Variants in PSMA1 observed in about 807,000 individuals in gnomAD.
PSMA1 encodes the protein proteasome 20S subunit alpha 1, also known as proteasome subunit alpha type-1.
In PSMA1, 3 loss-of-function variants were observed where a neutral mutation model predicts 38.4. That is an observed-to-expected ratio of 0.08 (90% CI 0.04 to 0.20). The LOEUF (loss-of-function observed/expected upper bound fraction) is 0.20. PSMA1 is among the 10% of genes least tolerant of loss of function. The pLI is 1.00. For missense variants in PSMA1, 227 were observed against 325.3 expected (o/e 0.70, Z 2.32); for synonymous variants, 101 against 107.1 (o/e 0.94, Z 0.35).
chr11:14,582,549 C>T (rs545357172), intron 2 of PSMA1, among the ~76,000 whole-genome samples: 1 of 152,290 alleles, frequency 6.6e-6, no homozygotes, highest in East Asian at 1.9e-4. Context: ...GATGGAGTCT[C>T]ACTCTATCAC....
At chr11:14,514,231 G>C (rs568338846) in intron 5 of PSMA1, 172 bp downstream of exon 5, 161 of 1,362,344 alleles carry the variant, frequency 1.2e-4, no homozygotes, top group Non-Finnish European at 1.5e-4. Context: ...GCTTATTTGT[G>C]TCTAGCAAAT....
At chr11:14,522,226 G>A (rs2134154288), upstream of PSMA1, among the ~76,000 whole-genome samples, 1 of 152,204 alleles carries the variant, frequency 6.6e-6, no homozygotes, top group South Asian at 2.1e-4. Context: ...ATTTTCAATA[G>A]TCGCATAGTA....
At chr11:14,535,289 G>A (rs1042872279) in intron 2 of PSMA1, among the ~76,000 whole-genome samples, 1 of 151,578 alleles carries the variant, frequency 6.6e-6, no homozygotes, top group Non-Finnish European at 1.5e-5. Context: ...CTCAGTGTGT[G>A]ACTAAAAGAG....
At chr11:14,581,863 A>G (rs888148911) in intron 2 of PSMA1, among the ~76,000 whole-genome samples, 9 of 152,210 alleles carry the variant, frequency 5.9e-5, no homozygotes, top group African/African-American at 1.9e-4. Context: ...TAGAAGCAAG[A>G]TGGTTGTTGG....
chr11:14,530,489 C>G (rs147671661), intron 2 of PSMA1, among the ~76,000 whole-genome samples: 11 of 152,264 alleles, frequency 7.2e-5, no homozygotes, highest in African/African-American at 2.6e-4. Context: ...CTTAATTGCA[C>G]TTATTTGTTC....
chr11:14,513,783 AT>A, intron 6 of PSMA1, 33 bp downstream of exon 6: 1 of 1,549,356 alleles, frequency 6.5e-7, no homozygotes, highest in Non-Finnish European at 8.7e-7. Flanking sequence ...ATTAAAAAAA[AT>A]CATTAACATA....
chr11:14,634,453 T>C (rs74589593), intron 1 of PSMA1, among the ~76,000 whole-genome samples: 4 of 152,180 alleles, frequency 2.6e-5, no homozygotes, highest in Non-Finnish European at 5.9e-5. Flanking sequence ...AAAGGGGATA[T>C]GTTTTTTTGA....
At chr11:14,557,506 T>C (rs1044917623) in intron 2 of PSMA1, among the ~76,000 whole-genome samples, 1 of 152,212 alleles carries the variant, frequency 6.6e-6, no homozygotes, top group Non-Finnish European at 1.5e-5. Flanking sequence ...CCCCCCAAAG[T>C]GCTGGGATTA....
At chr11:14,592,459 C>T (rs867876264) in intron 2 of PSMA1, among the ~76,000 whole-genome samples, 30 of 151,896 alleles carry the variant, frequency 2.0e-4, no homozygotes, top group African/African-American at 7.0e-4. Context: ...AATCTCTGCT[C>T]ACTGCAAGCT....
At chr11:14,513,928 T>A (rs758276867) in intron 5 of PSMA1, 41 bp from the exon 6 acceptor site, 2 of 1,545,152 alleles carry the variant, frequency 1.3e-6, no homozygotes, top group Non-Finnish European at 1.7e-6. Flanking sequence ...AGGAATGAAG[T>A]ACTGTCTTTA....
chr11:14,572,001 C>G (rs538171401), intron 2 of PSMA1, among the ~76,000 whole-genome samples: 4 of 152,260 alleles, frequency 2.6e-5, no homozygotes, highest in African/African-American at 9.6e-5. Flanking sequence ...CAGGAGCACC[C>G]AGATTCAGAA....
chr11:14,530,168 T>G (rs185486095), intron 2 of PSMA1, among the ~76,000 whole-genome samples: 1 of 151,874 alleles, frequency 6.6e-6, no homozygotes, highest in African/African-American at 2.4e-5. Context: ...GGTGTAGGGA[T>G]CATATATCAA....
chr11:14,565,077 C>A (rs980355185), intron 2 of PSMA1, among the ~76,000 whole-genome samples: 1 of 152,160 alleles, frequency 6.6e-6, no homozygotes, highest in Non-Finnish European at 1.5e-5. Flanking sequence ...CAGCACCCAG[C>A]CTATAGGGCT....
chr11:14,561,308 C>CT lies in PSMA1; in HGVS notation c.22-42268dup, dbSNP rs1459366710. Among the ~76,000 whole-genome samples, 3 of 152,312 alleles carry CT rather than the reference C, an allele frequency of 2.0e-5. No homozygotes were observed. In the East Asian group the frequency reaches 5.8e-4, roughly 29 times the overall value. ...TTGAACTGAGCTTTGATCATTGCTG[C>CT]TTTATAACATTACCTGAGACTGTCC... On this transcript the variant is annotated intron_variant, in intron 2 of 10. Coordinates refer to the PSMA1 transcript ENST00000418988.
intron 1 of PSMA1, among the ~76,000 whole-genome samples, chr11:14,622,299 G>C (rs142634845): frequency 6.6e-6 from 1 of 152,146 alleles, no homozygotes; most frequent in Admixed American, 6.5e-5. Context: ...ACATTCCTGT[G>C]GGTTAGATAA....
chr11:14,559,042 G>A (rs1715089753), intron 2 of PSMA1, among the ~76,000 whole-genome samples: 1 of 152,166 alleles, frequency 6.6e-6, no homozygotes, highest in African/African-American at 2.4e-5. Context: ...GGGAATAGTT[G>A]TGTCCTTAAT....
chr11:14,618,633 C>T (rs144855238), intron 1 of PSMA1, among the ~76,000 whole-genome samples: 55 of 152,290 alleles, frequency 3.6e-4, no homozygotes, highest in African/African-American at 1.3e-3. Context: ...CCTGGTTTTC[C>T]AAAACTGAAC....
At chr11:14,575,411 A>T (rs888801717) in intron 2 of PSMA1, among the ~76,000 whole-genome samples, 10 of 147,046 alleles carry the variant, frequency 6.8e-5, no homozygotes, top group East Asian at 4.0e-4. Context: ...CCTCCCCCCT[A>T]CCCCCACCCC....
rs558342535 is a variant in PSMA1, at chr11:14,633,860, G to A, written c.-166+9595C>T. On this transcript the variant is annotated intron_variant, in intron 1 of 10. Transcript: ENST00000418988. ...TCGTGATGCGCCGTTTTTTAAGTCCGTCGGAAAAGCGCAGTATTAGGGTGG... is the reference window on the plus strand; with the variant it reads ...TCGTGATGCGCCGTTTTTTAAGTCCATCGGAAAAGCGCAGTATTAGGGTGG... Among the ~76,000 whole-genome samples the A allele has an allele frequency of 6.7e-3, 1,020 of 152,220 alleles. 9 individuals carry two copies. Among genetic ancestry groups the A allele is most frequent in the African/African-American group, 0.023 (964 of 41,526 alleles).
Sources: allele counts gnomAD v4.1 joint callset (sites outside exome capture counted in the v4.1 genomes callset), GRCh38; gene constraint gnomAD v4.1.1; transcripts MANE v1.5; gene names NCBI Gene and HGNC (gene_info 2026-07-23, HGNC 2026-07-21).